Variants in SORT1 observed in about 807,000 individuals in gnomAD.
SORT1 encodes the protein sortilin.
A neutral mutation model predicts 101.7 loss-of-function variants in SORT1; 39 were observed. That is an observed-to-expected ratio of 0.38 (90% CI 0.30 to 0.50). The LOEUF (loss-of-function observed/expected upper bound fraction) is 0.50. Ranked by LOEUF, SORT1 falls within the 20% of genes least tolerant of loss-of-function variation. The pLI is 0.90. For synonymous variants in SORT1, 396 were observed against 393.7 expected (o/e 1.01, Z -0.07); for missense variants, 878 against 1,040.4 (o/e 0.84, Z 2.15).
chr1:109,366,527 C>T (rs3879450), intron 3 of SORT1, among the ~76,000 whole-genome samples: 98,376 of 152,062 alleles, frequency 0.65, 33,694 homozygotes, highest in East Asian at 0.96. Context: ...ACTCTTTCTT[C>T]ATCTTCCTTT....
rs1650240467 is a variant in SORT1 at position 109,355,397 on chromosome 1, G to A, written c.513C>T (p.Gly171=). ...CAGAGTTCTCAGGACCAATAGCCAT[G>A]CCAAATTCAGTCCGAATAAAGGTGT... The part of the protein sequence containing the change: ...INNTFIRTEF[G]MAIGPENSGK... The change falls in exon 4 of 20, where the codon GGC becomes GGT. Residue 171 remains glycine, a synonymous_variant. Transcript: ENST00000256637. 3.1e-6 allele frequency: 5 copies of A among 1,599,856 alleles called. No individual in the cohort carries two copies. Among genetic ancestry groups the A allele is most frequent in the Admixed American group, 1.7e-5 (1 of 59,964 alleles).
intron 11 of SORT1, among the ~76,000 whole-genome samples, chr1:109,328,508 A>T (rs1163785191): frequency 1.3e-5 from 2 of 152,156 alleles, no homozygotes; most frequent in African/African-American, 2.4e-5. Context: ...TATGCTTGTT[A>T]GTCACTTCTA....
At chr1:109,324,404 A>T (rs1391995134) in intron 14 of SORT1, among the ~76,000 whole-genome samples, 1 of 152,116 alleles carries the variant, frequency 6.6e-6, no homozygotes, top group Non-Finnish European at 1.5e-5. Context: ...TCAAAGTGCT[A>T]GGATTACAGG....
chr1:109,394,754 T>C lies in SORT1; in HGVS notation c.306+2833A>G, dbSNP rs571971260. ...TTTGGAGGGCATTCACATACATTGA[T>C]GATGTGAATTAATGTGGCTTGAAAT... On this transcript the variant is annotated intron_variant, in intron 1 of 19. Transcript: ENST00000256637. 1.6e-4 allele frequency among the ~76,000 whole-genome samples: 24 copies of C among 152,246 alleles called. 1 individual carries two copies. Among genetic ancestry groups the C allele is most frequent in the African/African-American group, 5.8e-4 (24 of 41,556 alleles).
intron 1 of SORT1, among the ~76,000 whole-genome samples, chr1:109,393,652 A>G (rs1186683384): frequency 1.3e-5 from 2 of 152,220 alleles, no homozygotes; most frequent in Non-Finnish European, 2.9e-5. Flanking sequence ...GCATGAAAAC[A>G]GTTTTGAGTT....
chr1:109,394,046 G>C (rs1653055663), intron 1 of SORT1, among the ~76,000 whole-genome samples: 1 of 152,110 alleles, frequency 6.6e-6, no homozygotes, highest in East Asian at 1.9e-4. Flanking sequence ...GACATGGCCA[G>C]GGTTCAAATG....
intron 1 of SORT1, among the ~76,000 whole-genome samples, chr1:109,374,196 G>A (rs1651670109): frequency 1.3e-5 from 2 of 152,124 alleles, no homozygotes. Flanking sequence ...TAGTAGATAA[G>A]GACATTGCAA....
At chr1:109,349,701 G>A (rs1276355108) in intron 6 of SORT1, among the ~76,000 whole-genome samples, 5 of 152,214 alleles carry the variant, frequency 3.3e-5, no homozygotes, top group African/African-American at 1.2e-4. Flanking sequence ...AAGTCCAGGA[G>A]GTCAAGGCTG....
chr1:109,343,890 A>G (rs899048285), intron 8 of SORT1, among the ~76,000 whole-genome samples: 3 of 152,094 alleles, frequency 2.0e-5, no homozygotes, highest in Non-Finnish European at 4.4e-5. Context: ...ACCTCAAGTG[A>G]TTTGCTCGTC....
In SORT1 at chr1:109,367,475, G is replaced by A; in HGVS notation, c.373C>T (p.Leu125=). 2 of 1,593,098 alleles carry A rather than the reference G, an allele frequency of 1.3e-6. No homozygotes were observed. The highest frequency in any genetic ancestry group is 1.7e-6 in the Non-Finnish European group (2 of 1,161,318). The change falls in exon 3 of 20, where the codon CTA becomes TTA. Residue 125 remains leucine (L), a synonymous_variant. Transcript: ENST00000256637. ...GGTACATGGAAGGTAGTCAAGACTA[G>A]AATGACCTGGAGAGAGAAAAAAGCA... is the stretch of plus-strand genomic sequence containing the variant. ...SWVGDSTGVI[L]VLTTFHVPLV... is the part of the protein sequence containing the mutation.
At chr1:109,359,534 T>C (rs1557809185) in intron 3 of SORT1, among the ~76,000 whole-genome samples, 1 of 152,160 alleles carries the variant, frequency 6.6e-6, no homozygotes, top group Non-Finnish European at 1.5e-5. Context: ...AGTTCCACTC[T>C]TGTTACCCAG....
At chr1:109,336,678 G>A (rs1030483648) in intron 10 of SORT1, among the ~76,000 whole-genome samples, 25 of 151,880 alleles carry the variant, frequency 1.6e-4, no homozygotes, top group African/African-American at 6.0e-4. Flanking sequence ...GTGTGGTGGT[G>A]GGGGCCTGTA....
Position 109,382,992 on chromosome 1 carries a change from A to G in SORT1, c.307-13403T>C, listed in dbSNP as rs189927626. On this transcript the variant is annotated intron_variant, in intron 1 of 19. Coordinates refer to ENST00000256637, the MANE Select transcript of SORT1 (RefSeq NM_002959.7). ...CACAAGATTCTTCATGGAAACAACC[A>G]TCTTCCCATCTAATTAAACTAGAAA... is the stretch of plus-strand genomic sequence containing the variant. Among the ~76,000 whole-genome samples, 465 of 152,332 alleles carry G rather than the reference A, an allele frequency of 3.1e-3. 2 individuals carry two copies. Among genetic ancestry groups the G allele is most frequent in the Non-Finnish European group, 5.1e-3 (350 of 68,020 alleles).
intron 3 of SORT1, among the ~76,000 whole-genome samples, chr1:109,358,428 T>A (rs1196695890): frequency 3.9e-5 from 6 of 152,200 alleles, no homozygotes; most frequent in Non-Finnish European, 1.5e-5. Flanking sequence ...TCAGCCTATG[T>A]CACGAAGAGG....
intron 14 of SORT1, 34 bp from the exon 15 acceptor site, chr1:109,323,155 C>G: frequency 6.6e-7 from 1 of 1,524,850 alleles, no homozygotes; most frequent in Non-Finnish European, 9.0e-7. Flanking sequence ...GGAAAGTACA[C>G]AGCACAGAAC....
intron 3 of SORT1, among the ~76,000 whole-genome samples, chr1:109,356,723 C>T (rs913824485): frequency 5.9e-5 from 9 of 152,204 alleles, no homozygotes; most frequent in African/African-American, 2.2e-4. Context: ...TTAATCTCAA[C>T]TCTCAGAGTT....
At chr1:109,368,017 G>C (rs1317447325) in intron 2 of SORT1, among the ~76,000 whole-genome samples, 2 of 152,164 alleles carry the variant, frequency 1.3e-5, no homozygotes, top group Non-Finnish European at 2.9e-5. Context: ...GAGATGGCTG[G>C]GCACGGTGGC....
chr1:109,371,793 CTG>C lies in SORT1; in HGVS notation c.307-2206_307-2205del, dbSNP rs1651498019. 2.0e-5 allele frequency among the ~76,000 whole-genome samples: 3 copies of C among 152,296 alleles called. No homozygotes were observed. In the South Asian group the frequency reaches 6.2e-4, roughly 32 times the overall value. ...ATGTAGGCCAGATTTACTAGCAAAACTGTGGTTTTCTACTGCCCTTAAGCTGT... is the reference window on the plus strand; with the variant it reads ...ATGTAGGCCAGATTTACTAGCAAAACTGGTTTTCTACTGCCCTTAAGCTGT... On this transcript the variant is annotated intron_variant, in intron 1 of 19. Coordinates refer to ENST00000256637, the MANE Select transcript of SORT1 (RefSeq NM_002959.7).
chr1:109,347,216 A>G lies in SORT1; in HGVS notation c.832+267T>C, dbSNP rs182668939. On this transcript the variant is annotated intron_variant, in intron 7 of 19. Coordinates refer to ENST00000256637, the MANE Select transcript of SORT1 (RefSeq NM_002959.7). ...AAATAACCATGCATTTCAATTTGCT[A>G]TTGTCTGTAGCATAATATTTGCTTT... 7.2e-5 allele frequency among the ~76,000 whole-genome samples: 11 copies of G among 152,324 alleles called. No individual in the cohort carries two copies. In the East Asian group the frequency reaches 1.9e-3, roughly 27 times the overall value.
Sources: allele counts gnomAD v4.1 joint callset (sites outside exome capture counted in the v4.1 genomes callset), GRCh38; gene constraint gnomAD v4.1.1; transcripts MANE v1.5; gene names NCBI Gene and HGNC (gene_info 2026-07-23, HGNC 2026-07-21).